The following EGF variants were observed in gnomAD, a reference collection of about 807,000 sequenced individuals.
The protein encoded by EGF is epidermal growth factor.
EGF carries 95 observed loss-of-function variants against 143.8 expected under a neutral mutation model. The observed-to-expected ratio is 0.66, with a 90% CI of 0.56 to 0.78. The LOEUF is 0.78. Ranked by LOEUF, EGF falls within the 30% of genes least tolerant of loss-of-function variation. The probability of loss-of-function intolerance (pLI) is 0.00; values close to 1 mark genes in which losing one functional copy is unlikely to be tolerated. For synonymous variants in EGF, 510 were observed against 510.5 expected (o/e 1.00, Z 0.01); for missense variants, 1,320 against 1,470.9 (o/e 0.90, Z 1.68).
At chr4:109,929,109 C>CT (rs1739249749) in intron 1 of EGF, among the ~76,000 whole-genome samples, 1 of 152,014 alleles carries the variant, frequency 6.6e-6, no homozygotes. Flanking sequence ...GTGAATATGC[C>CT]TAGAACAGTG....
chr4:110,011,491 C>T lies in EGF; in HGVS notation c.*36C>T. ...TAAAAGGAAAGTCAAGAAGAATGAA[C>T]TATGTCGATGCACAGTATCTTTTCT... On this transcript the variant is annotated 3_prime_UTR_variant, in exon 24 of 24. Coordinates refer to ENST00000265171, the MANE Select transcript of EGF (RefSeq NM_001963.6). 1 of 1,614,054 alleles carries T rather than the reference C, an allele frequency of 6.2e-7. No individual in the cohort carries two copies.
chr4:109,978,287 G>A (rs939727069), intron 13 of EGF, among the ~76,000 whole-genome samples: 1 of 152,126 alleles, frequency 6.6e-6, no homozygotes, highest in Non-Finnish European at 1.5e-5. Flanking sequence ...AATATTGTTT[G>A]TACATTAAAA....
At chr4:109,967,181 C>T (rs1746741215) in intron 10 of EGF, among the ~76,000 whole-genome samples, 1 of 152,136 alleles carries the variant, frequency 6.6e-6, no homozygotes, top group African/African-American at 2.4e-5. Context: ...TTCAGGCTTA[C>T]ACCTAAGTGT....
rs756376698 is a variant in EGF at position 109,969,031 on chromosome 4, C to T, written c.1636C>T (p.Arg546Ter). 8 of 1,614,084 alleles carry T rather than the reference C, an allele frequency of 5.0e-6. No homozygotes were observed. The highest frequency in any genetic ancestry group is 2.2e-5 in the East Asian group (1 of 44,880). The part of the protein sequence containing the change: ...IERANMDGSQ[R>*]ERLIEEGVDV... Reference sequence around the variant, plus strand: ...GAGAGCTAATATGGATGGTTCCCAGCGAGAAAGGCTTATTGAGGAAGGAGT... The same window carrying T: ...GAGAGCTAATATGGATGGTTCCCAGTGAGAAAGGCTTATTGAGGAAGGAGT... Residue 546 changes from arginine (R) to a stop codon, truncating the protein, a stop_gained, in exon 11 of 24, where the codon CGA becomes TGA. Transcript: ENST00000265171. LOFTEE classifies it high-confidence loss of function.
intron 5 of EGF, among the ~76,000 whole-genome samples, chr4:109,957,704 G>A (rs941217870): frequency 6.6e-6 from 1 of 152,186 alleles, no homozygotes; most frequent in Non-Finnish European, 1.5e-5. Context: ...TTGCTGATTT[G>A]TTTCCTGTGT....
chr4:109,963,058 C>T, intron 8 of EGF, 115 bp from the exon 9 acceptor site: 3 of 1,241,574 alleles, frequency 2.4e-6, no homozygotes, highest in Non-Finnish European at 3.5e-6. Flanking sequence ...GAGTGAAACT[C>T]CATCTCAAAA....
intron 21 of EGF, chr4:110,001,902 T>G: frequency 2.0e-6 from 2 of 985,434 alleles, no homozygotes; most frequent in Non-Finnish European, 2.4e-6. Context: ...GTTATTTACC[T>G]AACAATTCTG....
intron 11 of EGF, among the ~76,000 whole-genome samples, chr4:109,970,225 G>A (rs960680904): frequency 1.3e-5 from 2 of 152,152 alleles, no homozygotes; most frequent in African/African-American, 2.4e-5. Flanking sequence ...TCCCTTCTGC[G>A]TGCGAATGAG....
chr4:109,926,581 T>C (rs1738707114), intron 1 of EGF, among the ~76,000 whole-genome samples: 1 of 152,018 alleles, frequency 6.6e-6, no homozygotes, highest in South Asian at 2.1e-4. Flanking sequence ...ATGGTCTCGA[T>C]CTCCTGACCT....
At position 109,945,127 on chromosome 4, in the gene EGF, G is replaced by T; in HGVS notation, c.792G>T (p.Trp264Cys). 2 of 1,614,088 alleles carry T rather than the reference G, an allele frequency of 1.2e-6. No homozygotes were observed. Among genetic ancestry groups the T allele is most frequent in the Non-Finnish European group, 1.7e-6 (2 of 1,180,014 alleles). The change falls in exon 5 of 24, where the codon TGG (tryptophan) becomes TGT (cysteine). Residue 264 changes from tryptophan (W) to cysteine (C), a missense_variant. Trp to Cys is a radical substitution (Grantham distance 215, BLOSUM62 -2). This residue lies in a region of EGF where 1,186 missense variants were observed against 1,313.7 expected (regional missense o/e 0.90). Coordinates refer to ENST00000265171, the MANE Select transcript of EGF (RefSeq NM_001963.6). Reference sequence around the variant, plus strand: ...GTGACCGTATCTTCTATTCAACATGGAAAATGAAGACAATTTGGATAGCCA... The same window carrying T: ...GTGACCGTATCTTCTATTCAACATGTAAAATGAAGACAATTTGGATAGCCA... ...LFGDRIFYSTWKMKTIWIANK... is the reference protein window; with the variant it reads ...LFGDRIFYSTCKMKTIWIANK...
chr4:109,918,061 A>G (rs947898090), intron 1 of EGF, among the ~76,000 whole-genome samples: 3 of 152,256 alleles, frequency 2.0e-5, no homozygotes, highest in African/African-American at 4.8e-5. Flanking sequence ...GAACATGTGT[A>G]TGTAATGAAC....
chr4:109,989,539 C>T (rs1378248132), intron 18 of EGF, among the ~76,000 whole-genome samples: 1 of 152,290 alleles, frequency 6.6e-6, no homozygotes, highest in East Asian at 1.9e-4. Flanking sequence ...TCAATCATAA[C>T]TATCAATCTT....
chr4:109,960,952 A>G lies in EGF; in HGVS notation c.1152A>G (p.Val384=), dbSNP rs1425759616. The change falls in exon 7 of 24, where the codon GTA becomes GTG. Residue 384 remains valine (V), a synonymous_variant. Coordinates refer to ENST00000265171, the MANE Select transcript of EGF (RefSeq NM_001963.6). ...GATCCTATTACTGCACGTGCCCTGT[A>G]GGATTTGTTCTGCTTCCTGATGGGA... The part of the protein sequence containing the change: ...TPGSYYCTCP[V]GFVLLPDGKR... 3 of 1,613,912 alleles carry G rather than the reference A, an allele frequency of 1.9e-6. No homozygotes were observed. The Admixed American group carries it at 5.0e-5, about 27-fold the overall frequency.
In EGF at chr4:109,928,298, G is replaced by A. The variant is rs1305358868; in HGVS notation, c.128-12648G>A. Among the ~76,000 whole-genome samples the A allele has an allele frequency of 4.6e-5, 7 of 152,166 alleles. No individual in the cohort carries two copies. The East Asian group carries it at 1.2e-3, about 25-fold the overall frequency. ...ATATACATTAGTTTGATCAGGAAAC[G>A]AGGGACAACTCAAAGAGTAGGGTAA... On this transcript the variant is annotated intron_variant, in intron 1 of 23. Coordinates refer to ENST00000265171, the MANE Select transcript of EGF (RefSeq NM_001963.6).
At chr4:110,003,104 G>A (rs1180117209) in intron 21 of EGF, among the ~76,000 whole-genome samples, 4 of 152,098 alleles carry the variant, frequency 2.6e-5, no homozygotes, top group African/African-American at 9.7e-5. Context: ...TTGCCATTGC[G>A]AACAGTGCTG....
intron 16 of EGF, among the ~76,000 whole-genome samples, chr4:109,984,851 T>A (rs1380534927): frequency 6.6e-6 from 1 of 152,316 alleles, no homozygotes; most frequent in Non-Finnish European, 1.5e-5. Flanking sequence ...GAAAACTTCA[T>A]TAACATTAGG....
At chr4:110,008,015 A>G in intron 22 of EGF, 137 bp from the exon 23 acceptor site, 1 of 804,544 alleles carries the variant, frequency 1.2e-6, no homozygotes, top group South Asian at 1.5e-5. Context: ...AGAAAGACTA[A>G]CTTCACAGGG....
chr4:109,987,621 AG>A, intron 16 of EGF, 122 bp from the exon 17 acceptor site: 1 of 812,172 alleles, frequency 1.2e-6, no homozygotes, highest in African/African-American at 1.7e-5. Context: ...TTCTATTTGG[AG>A]GTTAACCTGT....
intron 15 of EGF, among the ~76,000 whole-genome samples, chr4:109,981,611 A>T (rs1348392682): frequency 6.6e-6 from 1 of 152,234 alleles, no homozygotes; most frequent in Non-Finnish European, 1.5e-5. Flanking sequence ...AATATACCAA[A>T]GATAATTTAC....
Sources: allele counts gnomAD v4.1 joint callset (sites outside exome capture counted in the v4.1 genomes callset), GRCh38; gene constraint gnomAD v4.1.1; regional missense constraint gnomAD v4.1.1; transcripts MANE v1.5; gene names NCBI Gene and HGNC (gene_info 2026-07-23, HGNC 2026-07-21).